Variants in PIEZO2 observed in about 807,000 individuals in gnomAD.
PIEZO2 encodes piezo-type mechanosensitive ion channel component 2.
PIEZO2 carries 172 observed loss-of-function variants against 337.3 expected under a neutral mutation model. That is an observed-to-expected ratio of 0.51 (90% CI 0.45 to 0.58). The LOEUF is 0.58. PIEZO2 is among the 20% of genes least tolerant of loss of function. The probability of loss-of-function intolerance (pLI) is 0.00; values close to 1 mark genes in which losing one functional copy is unlikely to be tolerated. For missense variants in PIEZO2, 3,028 were observed against 3,391.3 expected (o/e 0.89, Z 2.66); for synonymous variants, 1,251 against 1,228.5 (o/e 1.02, Z -0.38).
At chr18:11,017,457 C>CT (rs374244015) in intron 2 of PIEZO2, among the ~76,000 whole-genome samples, 1,981 of 141,412 alleles carry the variant, frequency 0.014, 40 homozygotes, top group African/African-American at 0.046. Flanking sequence ...GCATGAATGC[C>CT]TTTTTTTTTT....
Position 11,038,869 on chromosome 18 carries a change from A to C in PIEZO2, c.160+27258T>G, listed in dbSNP as rs923691932. Reference sequence around the variant, plus strand: ...ATAAAGGGCTATGCTTGAATTTTCCAATGTTTCCAACCTCTTTAAGATAAA... The same window carrying C: ...ATAAAGGGCTATGCTTGAATTTTCCCATGTTTCCAACCTCTTTAAGATAAA... On this transcript the variant is annotated intron_variant, in intron 2 of 55. Transcript: ENST00000674853. This position sits in a 1 kb window ranked among gnomAD's most constrained non-coding sequence, Gnocchi z 4.1. Among the ~76,000 whole-genome samples, 1 of 152,210 alleles carries C rather than the reference A, an allele frequency of 6.6e-6. No individual in the cohort carries two copies. The highest frequency in any genetic ancestry group is 2.4e-5 in the African/African-American group (1 of 41,454).
rs975782526 is a variant in PIEZO2, at chr18:10,726,649, C to G, written c.5029+4758G>C. On this transcript the variant is annotated intron_variant, in intron 36 of 55. Transcript: ENST00000674853. The surrounding 1 kb of genome is among the most constrained non-coding windows in gnomAD (Gnocchi z 5.9). Reference sequence around the variant, plus strand: ...CTGGGAGTACTGCGCGCGCGCCAAGCGCGGCCAGACAGACACCTCGCTGCC... The same window carrying G: ...CTGGGAGTACTGCGCGCGCGCCAAGGGCGGCCAGACAGACACCTCGCTGCC... 5 of 1,408,248 alleles carry G rather than the reference C, an allele frequency of 3.6e-6. No individual in the cohort carries two copies. The highest frequency in any genetic ancestry group is 1.4e-5 in the South Asian group (1 of 73,894). The allele number at this position is 1,408,248 out of a possible 1,614,324, so 87.2% of individuals were successfully genotyped here.
intron 7 of PIEZO2, among the ~76,000 whole-genome samples, chr18:10,812,462 T>C (rs80155980): frequency 0.011 from 1,653 of 152,262 alleles, 41 homozygotes; most frequent in African/African-American, 0.038. Flanking sequence ...ATCATCTGTA[T>C]ACCTGCAACA....
In PIEZO2 at chr18:10,828,979, T is replaced by G. The variant is rs1212883332; in HGVS notation, c.918-21705A>C. ...TCATTGGGCTCTCTCCTCTCAACCA[T>G]TCACTCCTTACTTAATTCAAGTGGT... is the stretch of plus-strand genomic sequence containing the variant. On this transcript the variant is annotated intron_variant, in intron 7 of 55. Transcript: ENST00000674853. The surrounding 1 kb of genome is among the most constrained non-coding windows in gnomAD (Gnocchi z 4.1). Among the ~76,000 whole-genome samples, 1 of 152,170 alleles carries G rather than the reference T, an allele frequency of 6.6e-6. No individual in the cohort carries two copies. The highest frequency in any genetic ancestry group is 1.9e-4 in the East Asian group (1 of 5,188).
rs760808592 is a variant in PIEZO2 at position 10,681,720 on chromosome 18, A to T, written c.7720T>A (p.Leu2574Met). The T allele has an allele frequency of 8.1e-6, 13 of 1,611,706 alleles. No homozygotes were observed. The highest frequency in any genetic ancestry group is 1.1e-5 in the Non-Finnish European group (13 of 1,177,842). Residue 2574 changes from leucine to methionine, a missense_variant, in exon 51 of 56, where the codon TTG (leucine) becomes ATG (methionine). Physicochemically the swap from Leu to Met is conservative, Grantham distance 15. Transcript: ENST00000674853. Reference protein sequence around the residue: ...IFTMSAQQSQLKVMDQQSFNK... With the variant: ...IFTMSAQQSQMKVMDQQSFNK... ...AAGCTCTGCTGGTCCATAACTTTCA[A>T]CTGGCTTTGTTGGGCACTCATTGTG...
At chr18:10,709,130 A>G (rs1012255479) in intron 39 of PIEZO2, 1 of 152,176 alleles carries the variant, frequency 6.6e-6, no homozygotes, top group Middle Eastern at 3.2e-3. Context: ...TGGCAGAGTC[A>G]TTTTGTCTGT....
chr18:10,947,286 G>A (rs534547967), intron 3 of PIEZO2, among the ~76,000 whole-genome samples: 16 of 152,196 alleles, frequency 1.1e-4, no homozygotes, highest in South Asian at 2.1e-4. Context: ...TACGTCTAAG[G>A]GAATGACATT....
Position 10,763,052 on chromosome 18 carries a change from A to T in PIEZO2, c.2993T>A (p.Leu998Gln), listed in dbSNP as rs1793323697. 6 of 1,537,406 alleles carry T rather than the reference A, an allele frequency of 3.9e-6. No homozygotes were observed. The East Asian group carries it at 1.5e-4, about 38-fold the overall frequency. The change falls in exon 22 of 56, where the codon CTG becomes CAG. Residue 998 changes from leucine (L) to glutamine (Q), a missense_variant. Coordinates refer to ENST00000674853, the MANE Select transcript of PIEZO2 (RefSeq NM_001378183.1). ...CAGACGGCGCAGCTTGGCGTACGGC[A>T]GAGCAAAAGCCCAAGAAATCAAAAA... ...YVFLISWAFA[L>Q]PYAKLRRLAS...
chr18:10,725,955 G>A (rs2036518640), intron 36 of PIEZO2, among the ~76,000 whole-genome samples: 2 of 152,206 alleles, frequency 1.3e-5, no homozygotes, highest in East Asian at 1.9e-4. Context: ...CCTCTTCATC[G>A]AGAATCCTGT....
At chr18:11,118,319 C>T (rs2039943081) in intron 1 of PIEZO2, among the ~76,000 whole-genome samples, 1 of 152,168 alleles carries the variant, frequency 6.6e-6, no homozygotes, top group Non-Finnish European at 1.5e-5. Flanking sequence ...AGGTGTTGTC[C>T]CAGACTGGCC....
intron 46 of PIEZO2, 33 bp from the exon 47 acceptor site, chr18:10,696,321 G>A (rs750612125): frequency 9.3e-6 from 15 of 1,613,646 alleles, no homozygotes; most frequent in Non-Finnish European, 1.2e-5. Flanking sequence ...ATGCCCAAGA[G>A]AGGCAATTCA....
intron 2 of PIEZO2, among the ~76,000 whole-genome samples, chr18:11,058,415 G>C (rs2037808281): frequency 6.6e-6 from 1 of 152,206 alleles, no homozygotes; most frequent in African/African-American, 2.4e-5. Flanking sequence ...ATGGAACAAA[G>C]CTGGACGGAG....
At chr18:10,692,483 CTTCT>C (rs1217653072) in intron 47 of PIEZO2, among the ~76,000 whole-genome samples, 1 of 151,246 alleles carries the variant, frequency 6.6e-6, no homozygotes, top group Non-Finnish European at 1.5e-5. Flanking sequence ...CCCTCCCTCC[CTTCT>C]TTCTTTCTCT....
At chr18:10,678,519 T>G (rs1329850595) in intron 52 of PIEZO2, among the ~76,000 whole-genome samples, 1 of 152,186 alleles carries the variant, frequency 6.6e-6, no homozygotes, top group Non-Finnish European at 1.5e-5. Flanking sequence ...CTTTTTTAAT[T>G]CTAACTAACA....
Position 11,126,718 on chromosome 18 carries a change from CAAT to C in PIEZO2, c.64+21804_64+21806del, listed in dbSNP as rs903999528. ...ATGAATCAATGAAAGATCAACATCA[CAAT>C]AATAATTTACATTTATTAGATGCTT... On this transcript the variant is annotated intron_variant, in intron 1 of 55. Transcript: ENST00000674853. This position sits in a 1 kb window ranked among gnomAD's most constrained non-coding sequence, Gnocchi z 4.6. Among the ~76,000 whole-genome samples the C allele has an allele frequency of 6.6e-5, 10 of 151,874 alleles. No homozygotes were observed. Among genetic ancestry groups the C allele is most frequent in the African/African-American group, 1.2e-4 (5 of 41,318 alleles).
In PIEZO2 at chr18:10,850,360, G is replaced by A. The variant is rs1046033133; in HGVS notation, c.917+4993C>T. Among the ~76,000 whole-genome samples the A allele has an allele frequency of 2.6e-5, 4 of 152,122 alleles. No homozygotes were observed. Among genetic ancestry groups the A allele is most frequent in the African/African-American group, 9.7e-5 (4 of 41,414 alleles). On this transcript the variant is annotated intron_variant, in intron 7 of 55. Coordinates refer to ENST00000674853, the MANE Select transcript of PIEZO2 (RefSeq NM_001378183.1). The surrounding 1 kb of genome is among the most constrained non-coding windows in gnomAD (Gnocchi z 4.5). ...ATGCATGGGGAGGGCATCGCAAACCGGTAAGCTAGTTAACATTATGTTGGC... is the reference window on the plus strand; with the variant it reads ...ATGCATGGGGAGGGCATCGCAAACCAGTAAGCTAGTTAACATTATGTTGGC...
chr18:10,785,213 C>T (rs2144119468), intron 16 of PIEZO2, among the ~76,000 whole-genome samples: 1 of 152,324 alleles, frequency 6.6e-6, no homozygotes, highest in South Asian at 2.1e-4. Context: ...AACCTCTGGT[C>T]CTCCTTGAAG....
chr18:10,808,905 C>G (rs1198289932), intron 7 of PIEZO2, among the ~76,000 whole-genome samples: 1 of 152,202 alleles, frequency 6.6e-6, no homozygotes, highest in Non-Finnish European at 1.5e-5. Flanking sequence ...CTCCTTGCTC[C>G]ACGCCTGGCA....
intron 47 of PIEZO2, among the ~76,000 whole-genome samples, chr18:10,694,232 T>C (rs902818091): frequency 5.3e-5 from 8 of 152,078 alleles, no homozygotes; most frequent in Admixed American, 5.2e-4. Flanking sequence ...CAATAATTCC[T>C]ATACTGAAAT....
Sources: gnomAD v4.1 joint callset for allele counts (sites outside exome capture counted in the v4.1 genomes callset) on GRCh38, gnomAD v4.1.1 for gene constraint, Gnocchi (gnomAD v3.1) non-coding constraint, MANE v1.5 for transcripts, NCBI Gene and HGNC (gene_info 2026-07-23, HGNC 2026-07-21) for gene names.